PACRG: variants seen among roughly 807,000 people sequenced by gnomAD.
PACRG encodes the protein parkin coregulated gene protein.
Under a neutral mutation model 29.7 loss-of-function variants are expected in PACRG, and 29 were observed. The observed-to-expected ratio is 0.98, with a 90% confidence interval of 0.73 to 1.33. The LOEUF (loss-of-function observed/expected upper bound fraction) is 1.33, where lower values mean the gene tolerates loss of function less well. PACRG is among the 40% of genes most tolerant of loss of function. The probability of loss-of-function intolerance (pLI) is 0.00; values close to 1 mark genes in which losing one functional copy is unlikely to be tolerated. For missense variants in PACRG, 279 were observed against 316.2 expected (o/e 0.88, Z 0.89); for synonymous variants, 116 against 118.7 (o/e 0.98, Z 0.15).
intron 2 of PACRG, among the ~76,000 whole-genome samples, chr6:162,940,569 C>T (rs1052671085): frequency 5.9e-5 from 9 of 152,072 alleles, no homozygotes; most frequent in Non-Finnish European, 1.3e-4. Context: ...GGAATGTTTC[C>T]CTATGAATCA....
intron 4 of PACRG, among the ~76,000 whole-genome samples, chr6:163,096,054 A>G (rs1436415477): frequency 1.3e-5 from 2 of 152,192 alleles, no homozygotes; most frequent in African/African-American, 4.8e-5. Context: ...TTCAACAACA[A>G]AAATGTCATG....
intron 4 of PACRG, among the ~76,000 whole-genome samples, chr6:163,240,870 C>T (rs1033996482): frequency 1.3e-5 from 2 of 152,208 alleles, no homozygotes; most frequent in African/African-American, 4.8e-5. Context: ...CATCAGGCTT[C>T]CCTCCTCGCC....
chr6:163,284,714 T>G (rs1057279086), intron 4 of PACRG, among the ~76,000 whole-genome samples: 6 of 149,138 alleles, frequency 4.0e-5, no homozygotes, highest in African/African-American at 9.8e-5. Context: ...GCTCCCCGCC[T>G]CCCTTCTGAT....
intron 4 of PACRG, among the ~76,000 whole-genome samples, chr6:163,119,312 C>G (rs1382795998): frequency 6.6e-6 from 1 of 152,216 alleles, no homozygotes; most frequent in Non-Finnish European, 1.5e-5. Context: ...GTCTGTGAAA[C>G]TTGGGTATTA....
chr6:163,179,111 G>A lies in PACRG; in HGVS notation c.613+89703G>A, dbSNP rs878953204. ...TCAAAAAGAAGCTTAGGTTTCAATG[G>A]TGGGTTTCCTTTTTGGGCATGGACC... On this transcript the variant is annotated intron_variant, in intron 4 of 4. Coordinates refer to ENST00000366888, the MANE Select transcript of PACRG (RefSeq NM_001080379.2). The A allele has an allele frequency of 5.9e-5, 25 of 422,938 alleles. 1 individual carries two copies. Among genetic ancestry groups the A allele is most frequent in the Admixed American group, 2.2e-4 (9 of 40,516 alleles). The allele number at this position is 422,938 out of a possible 1,614,324, so 26.2% of individuals were successfully genotyped here.
At chr6:163,278,284 G>C (rs1784118021) in intron 4 of PACRG, among the ~76,000 whole-genome samples, 2 of 152,078 alleles carry the variant, frequency 1.3e-5, no homozygotes. Flanking sequence ...TCACTCTGTG[G>C]GTTGTCTGTT....
intron 4 of PACRG, among the ~76,000 whole-genome samples, chr6:163,281,787 C>G (rs1039018086): frequency 6.6e-6 from 1 of 152,006 alleles, no homozygotes; most frequent in Non-Finnish European, 1.5e-5. Context: ...ATCTTTTGAT[C>G]TAGTAATTCA....
At chr6:162,949,925 G>C (rs1584844632) in intron 2 of PACRG, among the ~76,000 whole-genome samples, 2 of 152,116 alleles carry the variant, frequency 1.3e-5, no homozygotes, top group Non-Finnish European at 2.9e-5. Context: ...CTAGGATGTG[G>C]AACTGAAAGA....
chr6:163,308,218 C>T (rs10945889), intron 4 of PACRG, among the ~76,000 whole-genome samples: 85,290 of 152,052 alleles, frequency 0.56, 25,553 homozygotes, highest in African/African-American at 0.79. Context: ...CTTTTTTTAG[C>T]AATATGTTAT....
At chr6:163,257,666 G>A (rs963955209) in intron 4 of PACRG, among the ~76,000 whole-genome samples, 2 of 152,068 alleles carry the variant, frequency 1.3e-5, no homozygotes, top group African/African-American at 4.8e-5. Context: ...TCTCCTTCAG[G>A]AATACTGTAT....
At chr6:163,157,987 C>A (rs760297563) in intron 4 of PACRG, among the ~76,000 whole-genome samples, 1 of 152,174 alleles carries the variant, frequency 6.6e-6, no homozygotes, top group African/African-American at 2.4e-5. Context: ...AAATGATCTA[C>A]GGTTCTTGGA....
chr6:162,969,046 CAAAAAAA>C (rs35665491), intron 2 of PACRG, among the ~76,000 whole-genome samples: 1 of 72,832 alleles, frequency 1.4e-5, no homozygotes, highest in East Asian at 5.0e-4. Flanking sequence ...GACTCTATCA[CAAAAAAA>C]AAAAAAAAAA....
At chr6:163,124,905 A>C (rs1816453217) in intron 4 of PACRG, among the ~76,000 whole-genome samples, 2 of 152,250 alleles carry the variant, frequency 1.3e-5, no homozygotes. Context: ...AACGTCTTTC[A>C]CATCCTTCAA....
chr6:162,992,025 T>C lies in PACRG; in HGVS notation c.292-70125T>C, dbSNP rs879388314. The stretch of plus-strand genomic sequence containing the variant: ...TGTGGTTTTTGTCTTTGGCTCTGTT[T>C]ATATGCTGGATTACATTTATTGATT... On this transcript the variant is annotated intron_variant, in intron 2 of 4. Transcript: ENST00000366888. Among the ~76,000 whole-genome samples, 719 of 137,272 alleles carry C rather than the reference T, an allele frequency of 5.2e-3. 13 individuals carry two copies. Among genetic ancestry groups the C allele is most frequent in the Middle Eastern group, 0.019 (5 of 268 alleles). 90.1% of individuals were successfully genotyped at this position (137,272 alleles called of 152,430 possible).
chr6:163,242,365 C>T (rs912448246), intron 4 of PACRG, among the ~76,000 whole-genome samples: 7 of 152,176 alleles, frequency 4.6e-5, no homozygotes, highest in African/African-American at 7.2e-5. Context: ...TGCAAATTAT[C>T]GCATAGGGCA....
At chr6:162,911,314 G>C (rs1270407283) in intron 2 of PACRG, among the ~76,000 whole-genome samples, 1 of 152,114 alleles carries the variant, frequency 6.6e-6, no homozygotes, top group Non-Finnish European at 1.5e-5. Flanking sequence ...CAAGTGTTTT[G>C]AAAGTACAAG....
At chr6:163,078,432 G>A (rs1258593276) in intron 3 of PACRG, among the ~76,000 whole-genome samples, 1 of 151,222 alleles carries the variant, frequency 6.6e-6, no homozygotes, top group East Asian at 2.0e-4. Flanking sequence ...GAACCCGGGA[G>A]ACGGAGGTTG....
chr6:163,032,047 C>T (rs1807716860), intron 2 of PACRG, among the ~76,000 whole-genome samples: 1 of 152,198 alleles, frequency 6.6e-6, no homozygotes, highest in Admixed American at 6.5e-5. Context: ...ATGCAAATAA[C>T]TGTATTGCCA....
chr6:162,999,240 A>G (rs901300810), intron 2 of PACRG, among the ~76,000 whole-genome samples: 1 of 152,232 alleles, frequency 6.6e-6, no homozygotes, highest in Non-Finnish European at 1.5e-5. Flanking sequence ...ATTGGTAGGA[A>G]GCAGTCAGGG....
Sources: gnomAD v4.1 joint callset for allele counts (sites outside exome capture counted in the v4.1 genomes callset) on GRCh38, gnomAD v4.1.1 for gene constraint, MANE v1.5 for transcripts, NCBI Gene and HGNC (gene_info 2026-07-23, HGNC 2026-07-21) for gene names.